The following PRKD2 variants were observed in gnomAD, a reference collection of about 807,000 sequenced individuals.
The protein encoded by PRKD2 is serine/threonine-protein kinase D2.
In PRKD2, 22 loss-of-function variants were observed where a neutral mutation model predicts 86.0. The ratio of observed to expected loss-of-function variants is 0.26; its 90% CI spans 0.18 to 0.37. The LOEUF is 0.37. Among genes scored for constraint, PRKD2 ranks in the 10% least tolerant of loss-of-function variants. PRKD2 has a pLI of 1.00. For missense variants in PRKD2, 818 were observed against 1,199.2 expected (o/e 0.68, Z 4.70); for synonymous variants, 509 against 510.9 (o/e 1.00, Z 0.05).
chr19:46,710,949 C>T lies in PRKD2; in HGVS notation c.469G>A (p.Glu157Lys), dbSNP rs1357709078. ...TGGCGCACTAGGCCGAAGAGCATCTCCCCGCAGTGATCACAGAAGGCAGGC... is the reference window on the plus strand; with the variant it reads ...TGGCGCACTAGGCCGAAGAGCATCTTCCCGCAGTGATCACAGAAGGCAGGC... ...RAPAFCDHCG[E>K]MLFGLVRQGL... The change falls in exon 3 of 18, where the codon GAG (glutamate) becomes AAG (lysine). Residue 157 changes from glutamate (E) to lysine (K), a missense_variant. By Grantham distance (56) the Glu-to-Lys change is moderately conservative. Coordinates refer to ENST00000291281, the MANE Select transcript of PRKD2 (RefSeq NM_016457.5). 6 of 1,577,426 alleles carry T rather than the reference C, an allele frequency of 3.8e-6. No individual in the cohort carries two copies. Among genetic ancestry groups the T allele is most frequent in the South Asian group, 1.2e-5 (1 of 86,118 alleles).
intron 15 of PRKD2, among the ~76,000 whole-genome samples, chr19:46,680,946 A>ATATATATATATATTTTTTTTTTTT: frequency 2.1e-5 from 1 of 48,258 alleles, no homozygotes. Flanking sequence ...ATATATATAT[A>ATATATATATATATTTTTTTTTTTT]TTTTTTTTTT....
intron 14 of PRKD2, among the ~76,000 whole-genome samples, chr19:46,683,939 TA>T (rs544899784): frequency 2.9e-4 from 44 of 150,396 alleles, no homozygotes; most frequent in African/African-American, 5.4e-4. Context: ...GTGAGCTGAT[TA>T]AAAAAAAAAT....
Position 46,700,861 on chromosome 19 carries a change from G to C in PRKD2, c.1059C>G (p.Ser353=), listed in dbSNP as rs182315027. ...ESEDSGVIPG[S]HSENALHASE... is the part of the protein sequence containing the mutation. Reference sequence around the variant, plus strand: ...TGGCGTGGAGCGCATTCTCTGAGTGGGAGCCAGGGATGACACCGGAGTCCT... The same window carrying C: ...TGGCGTGGAGCGCATTCTCTGAGTGCGAGCCAGGGATGACACCGGAGTCCT... Residue 353 remains serine (S), a synonymous_variant, in exon 7 of 18, where the codon TCC becomes TCG. Coordinates refer to ENST00000291281, the MANE Select transcript of PRKD2 (RefSeq NM_016457.5). 1 of 1,614,114 alleles carries C rather than the reference G, an allele frequency of 6.2e-7. No individual in the cohort carries two copies. The highest frequency in any genetic ancestry group is 1.3e-5 in the African/African-American group (1 of 74,936).
chr19:46,706,892 C>CTTTT (rs574385292), intron 3 of PRKD2, among the ~76,000 whole-genome samples: 1 of 134,212 alleles, frequency 7.5e-6, no homozygotes, highest in Admixed American at 7.5e-5. Context: ...AACTGGATTT[C>CTTTT]TTTTTTTTTT....
intron 16 of PRKD2, among the ~76,000 whole-genome samples, chr19:46,675,937 T>A (rs536351369): frequency 2.0e-5 from 3 of 152,090 alleles, no homozygotes; most frequent in Admixed American, 2.0e-4. Context: ...GGCCGGCTAA[T>A]TTTTGTATTT....
In PRKD2 at chr19:46,689,509, C is replaced by T. The variant is rs373194627; in HGVS notation, c.1971+28G>A. 105 of 1,567,956 alleles carry T rather than the reference C, an allele frequency of 6.7e-5. 1 individual carries two copies. The African/African-American group carries it at 1.1e-3, about 17-fold the overall frequency. ...CAAGCTGACACCTGATGGGGAGGGG[C>T]GGGTGGCAGCGGGCAGGGCAGACGC... On this transcript the variant is annotated intron_variant, in intron 14 of 17. Transcript: ENST00000291281.
intron 14 of PRKD2, among the ~76,000 whole-genome samples, chr19:46,684,017 T>C (rs1325575620): frequency 1.4e-5 from 1 of 69,130 alleles, no homozygotes; most frequent in East Asian, 2.7e-4. Context: ...AAATGCCAAG[T>C]ACACCAGAAG....
rs1392181290 is a variant in PRKD2, at chr19:46,678,593, G to A, written c.2141C>T (p.Thr714Met). The A allele has an allele frequency of 6.2e-7, 1 of 1,613,604 alleles. No homozygotes were observed. ...CACCTCGGGTGCCAGGTAGGCCGGCGTGCCCACCACTGAGCGGCGGAACGA... is the reference window on the plus strand; with the variant it reads ...CACCTCGGGTGCCAGGTAGGCCGGCATGCCCACCACTGAGCGGCGGAACGA... Reference protein sequence around the residue: ...EKSFRRSVVGTPAYLAPEVLL... With the variant: ...EKSFRRSVVGMPAYLAPEVLL... Residue 714 changes from threonine (T) to methionine (M), a missense_variant, in exon 16 of 18, where the codon ACG (threonine) becomes ATG (methionine). Physicochemically the swap from Thr to Met is moderately conservative, Grantham distance 81. Around this residue, in one of 5 missense-constraint regions of PRKD2, gnomAD observed 154 missense variants for 359.6 expected, o/e 0.43. Coordinates refer to ENST00000291281, the MANE Select transcript of PRKD2 (RefSeq NM_016457.5). This position sits in a 1 kb window ranked among gnomAD's most constrained non-coding sequence, Gnocchi z 5.7.
intron 3 of PRKD2, among the ~76,000 whole-genome samples, chr19:46,704,945 G>T (rs763144517): frequency 1.1e-4 from 16 of 142,404 alleles, no homozygotes; most frequent in Non-Finnish European, 2.3e-4. Context: ...CACCTCAAAG[G>T]CTCCCCCCAA....
chr19:46,694,125 C>A lies in PRKD2; in HGVS notation c.1326G>T (p.Pro442=). Residue 442 remains proline (P), a synonymous_variant, in exon 10 of 18, where the codon CCG becomes CCT. Transcript: ENST00000291281. Reference sequence around the variant, plus strand: ...ACTCCACCGTGAGGATTTCTGACAGCGGAATTTCCTGCAGGACGTGGAACC... The same window carrying A: ...ACTCCACCGTGAGGATTTCTGACAGAGGAATTTCCTGCAGGACGTGGAACC... ...NTTNRYYKEI[P]LSEILTVESA... is the part of the protein sequence containing the mutation. 6.2e-7 allele frequency: 1 copy of A among 1,613,530 alleles called. No individual in the cohort carries two copies. Among genetic ancestry groups the A allele is most frequent in the Non-Finnish European group, 8.5e-7 (1 of 1,179,570 alleles).
intron 16 of PRKD2, among the ~76,000 whole-genome samples, chr19:46,676,671 C>T (rs953105495): frequency 1.3e-5 from 2 of 152,214 alleles, no homozygotes; most frequent in Non-Finnish European, 2.9e-5. Context: ...TCAACACCCA[C>T]AGGATTCTGT....
chr19:46,708,099 A>G (rs907224707), intron 3 of PRKD2, among the ~76,000 whole-genome samples: 4 of 152,064 alleles, frequency 2.6e-5, no homozygotes, highest in African/African-American at 9.7e-5. Context: ...CGCTGTCTCC[A>G]AAAAAGAAAA....
chr19:46,701,861 G>C (rs73565151), intron 5 of PRKD2, among the ~76,000 whole-genome samples: 1 of 151,816 alleles, frequency 6.6e-6, no homozygotes, highest in East Asian at 1.9e-4. Flanking sequence ...CTATCCCAGC[G>C]TACCAAACAA....
Position 46,678,424 on chromosome 19 carries a change from G to A in PRKD2, c.2310C>T (p.Ala770=). ...QIQNAAFMYP[A]SPWSHISAGA... is the part of the protein sequence containing the mutation. The stretch of plus-strand genomic sequence containing the variant: ...CAGCTGAGATGTGGCTCCAGGGGCT[G>A]GCCGGGTACATGAAGGCGGCGTTCT... The change falls in exon 16 of 18, where the codon GCC becomes GCT. Residue 770 remains alanine, a synonymous_variant. Transcript: ENST00000291281. This position sits in a 1 kb window ranked among gnomAD's most constrained non-coding sequence, Gnocchi z 5.7. 6.2e-7 allele frequency: 1 copy of A among 1,614,140 alleles called. No homozygotes were observed. The highest frequency in any genetic ancestry group is 1.1e-5 in the South Asian group (1 of 91,074).
intron 2 of PRKD2, among the ~76,000 whole-genome samples, chr19:46,711,753 TACC>T (rs1163341513): frequency 1.3e-5 from 2 of 152,064 alleles, no homozygotes; most frequent in Admixed American, 6.6e-5. Flanking sequence ...TAATTAAAAA[TACC>T]ACCACCAACA....
At chr19:46,707,085 G>A (rs1250405606) in intron 3 of PRKD2, among the ~76,000 whole-genome samples, 1 of 152,042 alleles carries the variant, frequency 6.6e-6, no homozygotes, top group East Asian at 2.0e-4. Flanking sequence ...GTAGAGACAG[G>A]GTTTCACCAT....
chr19:46,699,492 T>C (rs2053607165), intron 7 of PRKD2, among the ~76,000 whole-genome samples: 1 of 152,136 alleles, frequency 6.6e-6, no homozygotes, highest in African/African-American at 2.4e-5. Flanking sequence ...CCCTTACCCC[T>C]ACCCCAGGTT....
chr19:46,688,582 G>A (rs2053435418), intron 14 of PRKD2, among the ~76,000 whole-genome samples: 1 of 150,986 alleles, frequency 6.6e-6, no homozygotes, highest in Non-Finnish European at 1.5e-5. Context: ...GATTACAGGT[G>A]CCTGCCACCA....
chr19:46,703,138 C>T (rs2053657790), intron 5 of PRKD2, among the ~76,000 whole-genome samples: 1 of 152,162 alleles, frequency 6.6e-6, no homozygotes, highest in East Asian at 1.9e-4. Context: ...TCCCATGGTT[C>T]CAAAATTCTC....
Sources: allele counts gnomAD v4.1 joint callset (sites outside exome capture counted in the v4.1 genomes callset), GRCh38; gene constraint gnomAD v4.1.1; regional missense constraint gnomAD v4.1.1; non-coding constraint Gnocchi (gnomAD v3.1); transcripts MANE v1.5; gene names NCBI Gene and HGNC (gene_info 2026-07-23, HGNC 2026-07-21).